Variants in DPF3 observed in about 807,000 individuals in gnomAD.
DPF3 encodes zinc finger protein DPF3.
In DPF3, 18 loss-of-function variants were observed where a neutral mutation model predicts 56.8. That is an observed-to-expected ratio of 0.32 (90% CI 0.22 to 0.47). The LOEUF is 0.47. Ranked by LOEUF, DPF3 falls within the 20% of genes least tolerant of loss-of-function variation. The pLI, the probability that DPF3 is intolerant of heterozygous loss-of-function variation, is 1.00. For missense variants in DPF3, 403 were observed against 488.8 expected (o/e 0.82, Z 1.65); for synonymous variants, 188 against 180.2 (o/e 1.04, Z -0.35).
At chr14:72,875,287 G>C (rs928095452) in intron 1 of DPF3, among the ~76,000 whole-genome samples, 1 of 152,104 alleles carries the variant, frequency 6.6e-6, no homozygotes, top group Non-Finnish European at 1.5e-5. Context: ...CACACCTGTG[G>C]TCCCAGCCAC....
chr14:72,833,813 A>G (rs1186238380), intron 1 of DPF3, among the ~76,000 whole-genome samples: 1 of 152,244 alleles, frequency 6.6e-6, no homozygotes, highest in Non-Finnish European at 1.5e-5. Context: ...ATTTCTCCAC[A>G]GAAAACATAC....
chr14:72,647,107 A>G (rs1885750018), intron 8 of DPF3, among the ~76,000 whole-genome samples: 1 of 152,214 alleles, frequency 6.6e-6, no homozygotes, highest in Non-Finnish European at 1.5e-5. Context: ...AGGGCTCGAA[A>G]GCCTTTCCTG....
chr14:72,724,035 G>A, intron 4 of DPF3: 1 of 231,784 alleles, frequency 4.3e-6, no homozygotes, highest in Non-Finnish European at 8.2e-6. Flanking sequence ...CCTTTTCTAT[G>A]TGGGGCCAAA....
intron 1 of DPF3, among the ~76,000 whole-genome samples, chr14:72,837,027 A>G (rs1178667223): frequency 6.6e-6 from 1 of 151,734 alleles, no homozygotes. Flanking sequence ...GCACCACCAC[A>G]CCTGGCTAAT....
intron 3 of DPF3, among the ~76,000 whole-genome samples, chr14:72,734,885 G>A (rs1889824631): frequency 6.6e-6 from 1 of 152,204 alleles, no homozygotes; most frequent in Admixed American, 6.5e-5. Flanking sequence ...CCGTGTACAT[G>A]CAGAGGGCTT....
chr14:72,890,412 A>C (rs1292222388), intron 1 of DPF3, among the ~76,000 whole-genome samples: 1 of 151,898 alleles, frequency 6.6e-6, no homozygotes, highest in African/African-American at 2.4e-5. Context: ...AATCACTTGA[A>C]CCCAGGAGGC....
chr14:72,788,509 G>A (rs553602803), intron 1 of DPF3, among the ~76,000 whole-genome samples: 9 of 152,240 alleles, frequency 5.9e-5, no homozygotes, highest in South Asian at 2.1e-4. Context: ...ATATCTCTTC[G>A]GAGGACAGAT....
intron 2 of DPF3, among the ~76,000 whole-genome samples, chr14:72,760,715 C>A (rs569012144): frequency 1.3e-5 from 2 of 151,598 alleles, no homozygotes; most frequent in Admixed American, 1.3e-4. Context: ...GTTAATAAAC[C>A]AACAAAAAAG....
Position 72,812,351 on chromosome 14 carries a change from G to A in DPF3, c.33-40458C>T, listed in dbSNP as rs189429180. Among the ~76,000 whole-genome samples, 399 of 152,252 alleles carry A rather than the reference G, an allele frequency of 2.6e-3. 6 individuals carry two copies. The highest frequency in any genetic ancestry group is 9.4e-3 in the African/African-American group (389 of 41,554). On this transcript the variant is annotated intron_variant, in intron 1 of 10. Transcript: ENST00000556509. ...GAAAGAATTCCAGAATGAAATCTAT[G>A]TGCCTCTGCAGCCTCCCAACTGACT...
intron 1 of DPF3, among the ~76,000 whole-genome samples, chr14:72,834,352 C>T (rs925282668): frequency 6.6e-5 from 10 of 151,896 alleles, no homozygotes; most frequent in Non-Finnish European, 1.3e-4. Context: ...CAAAAATTAG[C>T]TGGGCATGGT....
chr14:72,692,663 G>A (rs1301768185), intron 7 of DPF3, among the ~76,000 whole-genome samples: 1 of 152,186 alleles, frequency 6.6e-6, no homozygotes, highest in Non-Finnish European at 1.5e-5. Flanking sequence ...ATATTCTAAG[G>A]CACTTCGTAG....
At chr14:72,889,580 C>T (rs1599529095) in intron 1 of DPF3, among the ~76,000 whole-genome samples, 1 of 152,156 alleles carries the variant, frequency 6.6e-6, no homozygotes, top group East Asian at 1.9e-4. Context: ...AGATTAGAAC[C>T]AGGAATGTGA....
intron 9 of DPF3, among the ~76,000 whole-genome samples, chr14:72,624,120 A>G (rs1404147475): frequency 2.0e-5 from 3 of 152,170 alleles, no homozygotes; most frequent in African/African-American, 4.8e-5. Context: ...CTAGAGAAAC[A>G]TCACACTATA....
chr14:72,612,549 C>T lies in DPF3; in HGVS notation c.*6748G>A, dbSNP rs372111639. ...CTTCCCACTTCCCACCTCCACCCCA[C>T]TCCTTAGCATCTATCACGGCAGAGG... On this transcript the variant is annotated 3_prime_UTR_variant, in exon 11 of 11. Transcript: ENST00000556509. The T allele has an allele frequency of 2.9e-5, 15 of 515,936 alleles. No individual in the cohort carries two copies. Among genetic ancestry groups the T allele is most frequent in the Non-Finnish European group, 5.8e-5 (15 of 259,618 alleles). 32.0% of individuals were successfully genotyped at this position (515,936 alleles called of 1,614,324 possible). A position where few individuals can be genotyped will look rare whatever the true frequency, so the allele number is the denominator to read the frequency against.
At chr14:72,702,433 G>A (rs922419357) in intron 6 of DPF3, among the ~76,000 whole-genome samples, 3 of 152,020 alleles carry the variant, frequency 2.0e-5, no homozygotes, top group Admixed American at 6.5e-5. Context: ...AGGGCTTCCC[G>A]CTCTCCCTGT....
intron 3 of DPF3, among the ~76,000 whole-genome samples, chr14:72,746,253 C>T (rs1277335511): frequency 6.6e-6 from 1 of 152,234 alleles, no homozygotes; most frequent in African/African-American, 2.4e-5. Flanking sequence ...ATTTCTTTGG[C>T]TGCGCTGTTT....
intron 1 of DPF3, among the ~76,000 whole-genome samples, chr14:72,802,797 C>A (rs919448922): frequency 6.6e-6 from 1 of 152,204 alleles, no homozygotes; most frequent in Non-Finnish European, 1.5e-5. Flanking sequence ...CTATTCCTCA[C>A]GGTGAATTCT....
chr14:72,779,219 T>A (rs1211827832), intron 1 of DPF3, among the ~76,000 whole-genome samples: 3 of 152,070 alleles, frequency 2.0e-5, no homozygotes, highest in African/African-American at 7.2e-5. Flanking sequence ...GTCTGCAGAG[T>A]CTGTGACTGG....
chr14:72,665,362 G>T (rs578088761), intron 8 of DPF3, among the ~76,000 whole-genome samples: 5 of 152,290 alleles, frequency 3.3e-5, no homozygotes, highest in Admixed American at 6.5e-5. Flanking sequence ...CAAATGAACC[G>T]AGGTATATCT....
Sources: gnomAD v4.1 joint callset for allele counts (sites outside exome capture counted in the v4.1 genomes callset) on GRCh38, gnomAD v4.1.1 for gene constraint, MANE v1.5 for transcripts, NCBI Gene and HGNC (gene_info 2026-07-23, HGNC 2026-07-21) for gene names.